The following SMURF2 variants were observed in gnomAD, a reference collection of about 807,000 sequenced individuals.
The protein encoded by SMURF2 is E3 ubiquitin-protein ligase SMURF2.
In SMURF2, 48 loss-of-function variants were observed where a neutral mutation model predicts 109.6. The observed-to-expected ratio is 0.44, with a 90% CI of 0.35 to 0.56. The LOEUF is 0.56. Ranked by LOEUF, SMURF2 falls within the 20% of genes least tolerant of loss-of-function variation. SMURF2 has a pLI of 0.01. For missense variants in SMURF2, 575 were observed against 909.0 expected, an observed-to-expected ratio of 0.63 and a Z score of 4.72; for synonymous variants, 288 against 317.1, an observed-to-expected ratio of 0.91 and a Z score of 0.97.
intron 16 of SMURF2, among the ~76,000 whole-genome samples, chr17:64,550,017 G>A (rs1023096533): frequency 6.6e-6 from 1 of 152,212 alleles, no homozygotes; most frequent in Admixed American, 6.5e-5. Context: ...TTCTTCAGAG[G>A]AATGGCAGTT....
At chr17:64,617,050 G>A (rs1291495089) in intron 1 of SMURF2, among the ~76,000 whole-genome samples, 1 of 96,856 alleles carries the variant, frequency 1.0e-5, no homozygotes, top group Non-Finnish European at 1.8e-5. Context: ...CTGGGCAACA[G>A]AATGAGACCT....
chr17:64,587,678 A>G (rs1321594933), intron 5 of SMURF2, among the ~76,000 whole-genome samples: 1 of 152,196 alleles, frequency 6.6e-6, no homozygotes, highest in Admixed American at 6.5e-5. Context: ...AGATCAGTTC[A>G]ACACAGAGCT....
At chr17:64,633,029 G>A (rs1970370801) in intron 1 of SMURF2, among the ~76,000 whole-genome samples, 1 of 152,216 alleles carries the variant, frequency 6.6e-6, no homozygotes, top group Admixed American at 6.5e-5. Flanking sequence ...TCAGCACTTT[G>A]GGAGGCCAAG....
chr17:64,645,703 G>A (rs782191956), intron 1 of SMURF2, among the ~76,000 whole-genome samples: 6 of 152,114 alleles, frequency 3.9e-5, no homozygotes, highest in Non-Finnish European at 8.8e-5. Context: ...AAACGCCTAG[G>A]CTTAACAACC....
chr17:64,593,611 T>C (rs1555687876), intron 3 of SMURF2, 38 bp from the exon 4 acceptor site: 2 of 1,455,668 alleles, frequency 1.4e-6, no homozygotes. Flanking sequence ...ACTTGGTAGT[T>C]ACAGGCAGTT....
chr17:64,621,516 G>A (rs1970202026), intron 1 of SMURF2, among the ~76,000 whole-genome samples: 1 of 151,786 alleles, frequency 6.6e-6, no homozygotes, highest in Non-Finnish European at 1.5e-5. Flanking sequence ...GGGGGCAGAG[G>A]TTGCTGTGAG....
chr17:64,578,299 A>C (rs1483417175), intron 9 of SMURF2, among the ~76,000 whole-genome samples, 193 bp downstream of exon 9: 1 of 151,954 alleles, frequency 6.6e-6, no homozygotes, highest in Non-Finnish European at 1.5e-5. Context: ...CTGGTGAGGG[A>C]GGGGAGAACT....
At position 64,542,621 on chromosome 17, in the gene SMURF2, C is replaced by T. The variant is rs112228595; in HGVS notation, c.*3227G>A. ...CCACAAATGGCACCCGTTGACTGTA[C>T]GCTTAGAAAACAAGCAGAAGGAGCC... On this transcript the variant is annotated 3_prime_UTR_variant, in exon 19 of 19. Coordinates refer to ENST00000262435, the MANE Select transcript of SMURF2 (RefSeq NM_022739.4). The T allele has an allele frequency of 6.6e-6, 1 of 152,044 alleles. No homozygotes were observed. The highest frequency in any genetic ancestry group is 2.4e-5 in the African/African-American group (1 of 41,404). The allele number at this position is 152,044 out of a possible 1,614,324, so 9.4% of individuals were successfully genotyped here. A position where few individuals can be genotyped will look rare whatever the true frequency, so the allele number is the denominator to read the frequency against.
intron 1 of SMURF2, among the ~76,000 whole-genome samples, chr17:64,635,226 C>T (rs557635236): frequency 3.8e-4 from 58 of 152,130 alleles, no homozygotes; most frequent in African/African-American, 1.4e-3. Flanking sequence ...ACTTGGGAGG[C>T]TGAGGCACGA....
chr17:64,620,184 T>C (rs1970183446), intron 1 of SMURF2, among the ~76,000 whole-genome samples: 1 of 152,204 alleles, frequency 6.6e-6, no homozygotes, highest in South Asian at 2.1e-4. Context: ...GGTTATCACA[T>C]ACCTCTGCTT....
intron 10 of SMURF2, among the ~76,000 whole-genome samples, chr17:64,570,155 TA>T (rs1969377510): frequency 6.6e-6 from 1 of 152,248 alleles, no homozygotes; most frequent in Admixed American, 6.5e-5. Flanking sequence ...AGTTCTCATT[TA>T]AATTTTTTGC....
At chr17:64,588,399 C>CA (rs1230643683) in intron 5 of SMURF2, among the ~76,000 whole-genome samples, 2 of 151,780 alleles carry the variant, frequency 1.3e-5, no homozygotes, top group East Asian at 1.9e-4. Flanking sequence ...GTTATAATAG[C>CA]AAAAAAATTT....
intron 10 of SMURF2, among the ~76,000 whole-genome samples, chr17:64,568,542 A>G (rs1555685285): frequency 6.6e-6 from 1 of 152,216 alleles, no homozygotes; most frequent in Admixed American, 6.5e-5. Context: ...GCAAAAATAA[A>G]TGGGATACAC....
rs1555682848 is a variant in SMURF2 at position 64,543,812 on chromosome 17, G to T, written c.*2036C>A. On this transcript the variant is annotated 3_prime_UTR_variant, in exon 19 of 19. Transcript: ENST00000262435. ...GTGCTTTAATATAAAAGAGAGATGG[G>T]TCTGCAACCAGTAAAGTACTATCAT... is the stretch of plus-strand genomic sequence containing the variant. 1.3e-5 allele frequency: 2 copies of T among 152,112 alleles called. No homozygotes were observed. Among genetic ancestry groups the T allele is most frequent in the African/African-American group, 4.8e-5 (2 of 41,400 alleles). 9.4% of individuals were successfully genotyped at this position (152,112 alleles called of 1,614,324 possible).
intron 1 of SMURF2, among the ~76,000 whole-genome samples, chr17:64,656,902 TC>T (rs933854875): frequency 1.3e-5 from 2 of 151,930 alleles, no homozygotes; most frequent in African/African-American, 2.4e-5. Context: ...CTGCAATGGT[TC>T]CCCCCACCTT....
chr17:64,659,689 T>C (rs1970749681), intron 1 of SMURF2, among the ~76,000 whole-genome samples: 1 of 152,132 alleles, frequency 6.6e-6, no homozygotes, highest in South Asian at 2.1e-4. Context: ...CATCTAACCC[T>C]TTAATGTTTA....
intron 9 of SMURF2, among the ~76,000 whole-genome samples, chr17:64,576,881 T>G (rs1348087545): frequency 7.5e-6 from 1 of 133,202 alleles, no homozygotes; most frequent in African/African-American, 2.9e-5. Flanking sequence ...TCCTTTTTTT[T>G]TTTTTTTTTT....
At chr17:64,561,451 T>A (rs202040035) in intron 12 of SMURF2, 49 bp downstream of exon 12, 7 of 1,271,086 alleles carry the variant, frequency 5.5e-6, no homozygotes, top group Middle Eastern at 3.7e-4. Context: ...TAGCTTAAAT[T>A]TGTAAGTACA....
At chr17:64,635,059 G>A (rs1054851736) in intron 1 of SMURF2, among the ~76,000 whole-genome samples, 1 of 152,144 alleles carries the variant, frequency 6.6e-6, no homozygotes, top group African/African-American at 2.4e-5. Flanking sequence ...AGGCATGGTG[G>A]CTCACACCTG....
Sources: gnomAD v4.1 joint callset for allele counts (sites outside exome capture counted in the v4.1 genomes callset) on GRCh38, gnomAD v4.1.1 for gene constraint, MANE v1.5 for transcripts, NCBI Gene and HGNC (gene_info 2026-07-23, HGNC 2026-07-21) for gene names.